The following NALCN variants were observed in gnomAD, a reference collection of about 807,000 sequenced individuals.
NALCN encodes the protein sodium leak channel NALCN.
NALCN carries 111 observed loss-of-function variants against 225.3 expected under a neutral mutation model. That is an observed-to-expected ratio of 0.49 (90% confidence interval 0.42 to 0.58). The LOEUF (loss-of-function observed/expected upper bound fraction) is 0.58. Among genes scored for constraint, NALCN ranks in the 20% least tolerant of loss-of-function variants. The probability of loss-of-function intolerance (pLI) is 0.00; values close to 1 mark genes in which losing one functional copy is unlikely to be tolerated. For synonymous variants in NALCN, 764 were observed against 769.0 expected (o/e 0.99, Z 0.11); for missense variants, 1,378 against 2,202.4 (o/e 0.63, Z 7.49).
intron 3 of NALCN, among the ~76,000 whole-genome samples, chr13:101,379,396 AG>A (rs2046783039): frequency 6.6e-6 from 1 of 152,176 alleles, no homozygotes; most frequent in Non-Finnish European, 1.5e-5. Flanking sequence ...AAATCATTCT[AG>A]TACAAGGACA....
chr13:101,169,739 T>C (rs1393161412), intron 15 of NALCN, among the ~76,000 whole-genome samples: 1 of 152,232 alleles, frequency 6.6e-6, no homozygotes, highest in Non-Finnish European at 1.5e-5. Flanking sequence ...CAGGCACATA[T>C]GAATTGTGTG....
chr13:101,164,724 T>C (rs1330410308), intron 15 of NALCN, among the ~76,000 whole-genome samples: 3 of 152,246 alleles, frequency 2.0e-5, no homozygotes, highest in East Asian at 1.9e-4. Flanking sequence ...GTTTATGTCT[T>C]AGTGTGACAG....
intron 10 of NALCN, among the ~76,000 whole-genome samples, chr13:101,282,348 T>C (rs944682212): frequency 2.0e-5 from 3 of 152,134 alleles, no homozygotes; most frequent in African/African-American, 7.2e-5. Flanking sequence ...AATCCTGCCA[T>C]TGACAACTAT....
intron 14 of NALCN, chr13:101,180,953 G>A (rs1479872294): frequency 2.4e-5 from 10 of 425,024 alleles, no homozygotes; most frequent in African/African-American, 2.0e-5. Flanking sequence ...TGGGAAGGGC[G>A]GCCACGCAAG....
chr13:101,154,197 G>A (rs989657618), intron 15 of NALCN, among the ~76,000 whole-genome samples: 3 of 152,134 alleles, frequency 2.0e-5, no homozygotes, highest in Admixed American at 6.5e-5. Flanking sequence ...TGTCATCGAT[G>A]AGGAAACAGG....
At chr13:101,353,492 T>A (rs2139332477) in intron 6 of NALCN, among the ~76,000 whole-genome samples, 1 of 152,294 alleles carries the variant, frequency 6.6e-6, no homozygotes, top group Admixed American at 6.5e-5. Flanking sequence ...GGAATACTAA[T>A]CCCACCCTGG....
chr13:101,306,166 G>T (rs190258439), intron 7 of NALCN, among the ~76,000 whole-genome samples: 4 of 152,292 alleles, frequency 2.6e-5, no homozygotes, highest in Non-Finnish European at 5.9e-5. Flanking sequence ...CACACCAGCT[G>T]CCAGAGCTCC....
chr13:101,212,739 G>A (rs1038619892), intron 13 of NALCN, among the ~76,000 whole-genome samples: 1 of 152,110 alleles, frequency 6.6e-6, no homozygotes, highest in Non-Finnish European at 1.5e-5. Context: ...GCAAAAGACT[G>A]TGAGGCTGCG....
intron 18 of NALCN, 41 bp downstream of exon 18, chr13:101,124,567 C>A: frequency 6.6e-7 from 1 of 1,522,724 alleles, no homozygotes; most frequent in South Asian, 1.2e-5. Context: ...TAATATAATC[C>A]CACTTGTGTT....
At chr13:101,332,639 C>G (rs2045226290) in intron 7 of NALCN, among the ~76,000 whole-genome samples, 1 of 152,178 alleles carries the variant, frequency 6.6e-6, no homozygotes, top group Admixed American at 6.5e-5. Context: ...AGGTGGCACA[C>G]TTAACTTATG....
Position 101,104,793 on chromosome 13 carries a change from T to C in NALCN, c.2636+101A>G. The C allele has an allele frequency of 9.0e-6, 14 of 1,553,224 alleles. No individual in the cohort carries two copies. Among genetic ancestry groups the C allele is most frequent in the Middle Eastern group, 1.7e-4 (1 of 5,888 alleles). On this transcript the variant is annotated intron_variant, in intron 23 of 43. Coordinates refer to ENST00000251127, the MANE Select transcript of NALCN (RefSeq NM_052867.4). This position sits in a 1 kb window ranked among gnomAD's most constrained non-coding sequence, Gnocchi z 4.2. The stretch of plus-strand genomic sequence containing the variant: ...CCCAATCATCTATTTCATAGCACTA[T>C]ATAGCAAGAAAATAAAAGAGAATTT...
chr13:101,077,666 G>A, intron 34 of NALCN, among the ~76,000 whole-genome samples: 1 of 152,230 alleles, frequency 6.6e-6, no homozygotes, highest in East Asian at 1.9e-4. Context: ...AGGAAGCAGA[G>A]TATAAATATT....
intron 1 of NALCN, among the ~76,000 whole-genome samples, chr13:101,414,840 G>A (rs2047888409): frequency 6.6e-6 from 1 of 152,126 alleles, no homozygotes; most frequent in Non-Finnish European, 1.5e-5. Context: ...AACAGATTAT[G>A]TCTTCTATGA....
chr13:101,173,925 G>T (rs540669739), intron 15 of NALCN, among the ~76,000 whole-genome samples: 182 of 152,254 alleles, frequency 1.2e-3, no homozygotes, highest in Non-Finnish European at 1.7e-3. Flanking sequence ...ATATGAAAGT[G>T]AATGCATGAG....
chr13:101,073,045 G>A (rs1347349810), intron 37 of NALCN, among the ~76,000 whole-genome samples: 1 of 152,204 alleles, frequency 6.6e-6, no homozygotes, highest in African/African-American at 2.4e-5. Context: ...ATAAGAACAT[G>A]TAGCTGGCTG....
At chr13:101,111,368 G>C (rs1289108841) in intron 18 of NALCN, 142 bp from the exon 19 acceptor site, 1 of 631,752 alleles carries the variant, frequency 1.6e-6, no homozygotes, top group African/African-American at 1.8e-5. Context: ...TAATTATAAA[G>C]GAAAATGAAC....
At chr13:101,329,939 T>C (rs1015581939) in intron 7 of NALCN, among the ~76,000 whole-genome samples, 1 of 151,850 alleles carries the variant, frequency 6.6e-6, no homozygotes, top group South Asian at 2.1e-4. Context: ...CTTGGGAGGC[T>C]GAGGCATGAG....
chr13:101,352,294 C>T (rs1030404015), intron 6 of NALCN, among the ~76,000 whole-genome samples: 12 of 152,098 alleles, frequency 7.9e-5, no homozygotes, highest in African/African-American at 2.4e-4. Flanking sequence ...ACTATGACTA[C>T]GGGTGGCAGA....
At chr13:101,247,999 T>C (rs1173921818) in intron 11 of NALCN, among the ~76,000 whole-genome samples, 2 of 152,206 alleles carry the variant, frequency 1.3e-5, no homozygotes, top group Non-Finnish European at 2.9e-5. Flanking sequence ...TGTGATCTCG[T>C]TCCTTTTTAT....
Sources: gnomAD v4.1 joint callset for allele counts (sites outside exome capture counted in the v4.1 genomes callset) on GRCh38, gnomAD v4.1.1 for gene constraint, Gnocchi (gnomAD v3.1) non-coding constraint, MANE v1.5 for transcripts, NCBI Gene and HGNC (gene_info 2026-07-23, HGNC 2026-07-21) for gene names.